The following PPME1 variants were observed in gnomAD, a reference collection of about 807,000 sequenced individuals.
The protein encoded by PPME1 is testicular secretory protein Li 39.
Under a neutral mutation model 56.9 loss-of-function variants are expected in PPME1, and 17 were observed. The observed-to-expected ratio is 0.30, with a 90% CI of 0.20 to 0.45. The LOEUF (loss-of-function observed/expected upper bound fraction) is 0.45, where lower values mean the gene tolerates loss of function less well. PPME1 is among the 20% of genes least tolerant of loss of function. PPME1 has a pLI of 1.00. For missense variants in PPME1, 357 were observed against 483.2 expected (o/e 0.74, Z 2.45); for synonymous variants, 122 against 156.2 (o/e 0.78, Z 1.63).
At chr11:74,224,572 A>G (rs1285106580) in intron 4 of PPME1, among the ~76,000 whole-genome samples, 1 of 135,504 alleles carries the variant, frequency 7.4e-6, no homozygotes, top group Non-Finnish European at 1.5e-5. Context: ...CTTCCTACCC[A>G]TGGGCATGGA....
chr11:74,252,675 C>A (rs1213231518), intron 13 of PPME1: 1 of 366,828 alleles, frequency 2.7e-6, no homozygotes, highest in Non-Finnish European at 5.6e-6. Flanking sequence ...CACCTGATAA[C>A]AGTAGTACCC....
At position 74,182,211 on chromosome 11, in the gene PPME1, A is replaced by T. The variant is rs758192287; in HGVS notation, c.101+10689A>T. On this transcript the variant is annotated intron_variant, in intron 1 of 13. Transcript: ENST00000328257. ...CTTGACTTTATTTTTTTTTAAATGT[A>T]GATAATAATGCTAGCCTCATAGAAT... Among the ~76,000 whole-genome samples, 58 of 152,178 alleles carry T rather than the reference A, an allele frequency of 3.8e-4. 1 individual carries two copies. Among genetic ancestry groups the T allele is most frequent in the Non-Finnish European group, 7.2e-4 (49 of 68,038 alleles).
chr11:74,248,210 T>C (rs1310443402), intron 11 of PPME1: 1 of 152,320 alleles, frequency 6.6e-6, no homozygotes, highest in East Asian at 1.9e-4. Context: ...TTTTGGGTTA[T>C]GGGAAGAAGA....
chr11:74,219,280 T>A (rs1272724845), intron 3 of PPME1, among the ~76,000 whole-genome samples: 1 of 151,680 alleles, frequency 6.6e-6, no homozygotes, highest in South Asian at 2.1e-4. Flanking sequence ...TCATACACTG[T>A]TGGTGAGAAT....
At chr11:74,241,187 C>T (rs1460776336) in intron 9 of PPME1, among the ~76,000 whole-genome samples, 1 of 152,228 alleles carries the variant, frequency 6.6e-6, no homozygotes, top group Non-Finnish European at 1.5e-5. Flanking sequence ...CTAATCTAAT[C>T]TCTATAGATT....
chr11:74,173,813 A>T (rs2135586901), intron 1 of PPME1, among the ~76,000 whole-genome samples: 1 of 152,292 alleles, frequency 6.6e-6, no homozygotes, highest in East Asian at 1.9e-4. Context: ...AAGTACTGGG[A>T]TTATAGGAGT....
intron 13 of PPME1, 114 bp from the exon 14 acceptor site, chr11:74,253,378 G>C: frequency 9.1e-7 from 1 of 1,094,072 alleles, no homozygotes; most frequent in Admixed American, 2.0e-5. Flanking sequence ...AAATGGGTCA[G>C]ATTTGCCAGG....
At chr11:74,176,972 C>G (rs1857415557) in intron 1 of PPME1, among the ~76,000 whole-genome samples, 2 of 151,856 alleles carry the variant, frequency 1.3e-5, no homozygotes, top group African/African-American at 4.8e-5. Flanking sequence ...CCCAGGTAAT[C>G]CACCCACCTC....
rs180884309 is a variant in PPME1, at chr11:74,238,968, C to T, written c.711-165C>T. The T allele has an allele frequency of 3.0e-4, 198 of 667,236 alleles. 4 individuals carry two copies. The African/African-American group carries it at 3.1e-3, about 10-fold the overall frequency. 41.3% of individuals were successfully genotyped at this position (667,236 alleles called of 1,614,324 possible). ...CCTTGGAGAATAGTTATACATTGGC[C>T]ATGATTTTCCACAGCCCTGGAAATG... On this transcript the variant is annotated intron_variant, in intron 8 of 13. Coordinates refer to ENST00000328257, the MANE Select transcript of PPME1 (RefSeq NM_016147.3).
At chr11:74,238,057 C>G (rs570979042) in intron 8 of PPME1, 3 of 152,232 alleles carry the variant, frequency 2.0e-5, no homozygotes, top group East Asian at 3.9e-4. Context: ...TGTGTATTAA[C>G]TGTCACATAG....
chr11:74,204,414 G>A lies in PPME1; in HGVS notation c.257G>A (p.Gly86Asp). Reference protein sequence around the residue: ...GPVLLLLHGGGHSALSWAVFT... With the variant: ...GPVLLLLHGGDHSALSWAVFT... ...GTCCTGCTCCTTCTGCATGGAGGAG[G>A]TCATTCTGCCCTTTCTTGGGCTGTG... Residue 86 changes from glycine to aspartate, a missense_variant, in exon 3 of 14, where the codon GGT (glycine) becomes GAT (aspartate). Transcript: ENST00000328257. 3 of 1,613,466 alleles carry A rather than the reference G, an allele frequency of 1.9e-6. No homozygotes were observed. Among genetic ancestry groups the A allele is most frequent in the Non-Finnish European group, 2.5e-6 (3 of 1,179,544 alleles).
At chr11:74,193,758 A>G (rs891087354) in intron 1 of PPME1, among the ~76,000 whole-genome samples, 3 of 152,210 alleles carry the variant, frequency 2.0e-5, no homozygotes, top group African/African-American at 7.2e-5. Context: ...TGTGTCTAAT[A>G]TGTTAAACTT....
At chr11:74,171,705 A>G (rs1167969605) in intron 1 of PPME1, among the ~76,000 whole-genome samples, 183 bp downstream of exon 1, 1 of 152,130 alleles carries the variant, frequency 6.6e-6, no homozygotes, top group African/African-American at 2.4e-5. Context: ...AAGTCAATAG[A>G]AATTGGAGGA....
chr11:74,249,463 T>G (rs1859597136), intron 11 of PPME1: 1 of 152,132 alleles, frequency 6.6e-6, no homozygotes, highest in Admixed American at 6.5e-5. Context: ...CCTGGCACAG[T>G]GTTGTTGGTG....
At chr11:74,182,991 T>C (rs1277035191) in intron 1 of PPME1, among the ~76,000 whole-genome samples, 1 of 109,672 alleles carries the variant, frequency 9.1e-6, no homozygotes, top group Non-Finnish European at 2.0e-5. Context: ...ACCTTGTCTC[T>C]ACCAAAAAAA....
At chr11:74,244,456 C>T (rs1859456279) in intron 9 of PPME1, among the ~76,000 whole-genome samples, 1 of 152,152 alleles carries the variant, frequency 6.6e-6, no homozygotes, top group South Asian at 2.1e-4. Context: ...TAGTAGTCAT[C>T]CTAATGGGGG....
At chr11:74,182,797 A>G (rs1005535528) in intron 1 of PPME1, among the ~76,000 whole-genome samples, 1 of 152,142 alleles carries the variant, frequency 6.6e-6, no homozygotes, top group African/African-American at 2.4e-5. Context: ...TAGGAACTGA[A>G]TGCTTGTGAG....
intron 5 of PPME1, among the ~76,000 whole-genome samples, chr11:74,228,974 G>C (rs1858999064): frequency 6.6e-6 from 1 of 152,116 alleles, no homozygotes. Flanking sequence ...TTCACTTTCT[G>C]TCTTAATCTT....
At chr11:74,250,028 G>A (rs563157471) in intron 11 of PPME1, 3 of 152,298 alleles carry the variant, frequency 2.0e-5, no homozygotes, top group African/African-American at 2.4e-5. Context: ...GTATTTTTGT[G>A]CTTAATTGTA....
Sources: allele counts gnomAD v4.1 joint callset (sites outside exome capture counted in the v4.1 genomes callset), GRCh38; gene constraint gnomAD v4.1.1; transcripts MANE v1.5; gene names NCBI Gene and HGNC (gene_info 2026-07-23, HGNC 2026-07-21).